ZEB1: variants seen among roughly 807,000 people sequenced by gnomAD.
The protein encoded by ZEB1 is zinc finger E-box-binding homeobox 1.
ZEB1 carries 21 observed loss-of-function variants against 84.9 expected under a neutral mutation model. The observed-to-expected ratio is 0.25, with a 90% CI of 0.18 to 0.36. The LOEUF is 0.36. Among genes scored for constraint, ZEB1 ranks in the 10% least tolerant of loss-of-function variants. The pLI is 1.00. For synonymous variants in ZEB1, 420 were observed against 471.1 expected (o/e 0.89, Z 1.41); for missense variants, 1,104 against 1,330.2 (o/e 0.83, Z 2.65).
intron 7 of ZEB1, among the ~76,000 whole-genome samples, chr10:31,523,587 C>T (rs942326304): frequency 6.6e-5 from 10 of 152,324 alleles, no homozygotes; most frequent in African/African-American, 9.6e-5. Context: ...GCAAATTTCT[C>T]GTAAAGTAAT....
intron 1 of ZEB1, chr10:31,321,542 T>C: frequency 6.2e-7 from 1 of 1,614,042 alleles, no homozygotes; most frequent in South Asian, 1.1e-5. Flanking sequence ...GGTAAGTTGG[T>C]TCGGAAAGAG....
chr10:31,319,363 G>C (rs2033040091), intron 1 of ZEB1, 71 bp downstream of exon 1: 2 of 1,501,552 alleles, frequency 1.3e-6, no homozygotes, highest in Non-Finnish European at 9.1e-7. Context: ...CCCCGGGGGT[G>C]AGGGGGGCGA....
chr10:31,360,197 C>CT lies in ZEB1; in HGVS notation c.58+40911dup, dbSNP rs1256918660. On this transcript the variant is annotated intron_variant, in intron 1 of 8. Coordinates refer to ENST00000424869, the MANE Select transcript of ZEB1 (RefSeq NM_001174096.2). ...CTCCTGCCCCTTTATGCCATAGTCT[C>CT]TTTTTTAACATGGTACTTGGCAGTG... 2.6e-5 allele frequency among the ~76,000 whole-genome samples: 4 copies of CT among 152,242 alleles called. No individual in the cohort carries two copies. In the East Asian group the frequency reaches 5.8e-4, roughly 22 times the overall value.
At chr10:31,321,042 G>T in intron 1 of ZEB1, 1 of 672,712 alleles carries the variant, frequency 1.5e-6, no homozygotes, top group Non-Finnish European at 1.8e-6. Context: ...GTCTATAATG[G>T]GACCGCTGCA....
At chr10:31,444,908 G>T (rs936674296) in intron 1 of ZEB1, among the ~76,000 whole-genome samples, 1 of 152,004 alleles carries the variant, frequency 6.6e-6, no homozygotes, top group African/African-American at 2.4e-5. Flanking sequence ...TTCTTTTTTG[G>T]TTCCATATGA....
chr10:31,522,030 C>T, intron 7 of ZEB1, 94 bp downstream of exon 7: 1 of 1,540,508 alleles, frequency 6.5e-7, no homozygotes, highest in Non-Finnish European at 8.9e-7. Flanking sequence ...CCCGTAGAGC[C>T]AACTAGATTA....
chr10:31,497,836 T>G (rs2067466109), intron 3 of ZEB1, among the ~76,000 whole-genome samples: 1 of 152,028 alleles, frequency 6.6e-6, no homozygotes, highest in Admixed American at 6.6e-5. Context: ...TCCCTTTTTT[T>G]GTTTATATAG....
intron 5 of ZEB1, among the ~76,000 whole-genome samples, chr10:31,511,992 A>T (rs529218154): frequency 2.4e-4 from 36 of 152,326 alleles, no homozygotes; most frequent in Admixed American, 3.9e-4. Context: ...ATGAAGGAGC[A>T]CTTGAAACAG....
chr10:31,363,343 C>A, intron 1 of ZEB1: 9 of 1,534,040 alleles, frequency 5.9e-6, no homozygotes, highest in Non-Finnish European at 7.8e-6. Flanking sequence ...GACTCCATGG[C>A]CCTTGGAGTA....
chr10:31,478,589 T>G (rs1444228613), intron 2 of ZEB1, among the ~76,000 whole-genome samples: 2 of 152,002 alleles, frequency 1.3e-5, no homozygotes, highest in African/African-American at 4.8e-5. Context: ...AGCAGAGTCA[T>G]GGAATCAACC....
chr10:31,373,725 A>G (rs957119784), intron 1 of ZEB1, among the ~76,000 whole-genome samples: 2 of 151,910 alleles, frequency 1.3e-5, no homozygotes, highest in Admixed American at 1.3e-4. Context: ...GGCGGAAACT[A>G]TTAAATTTGT....
intron 2 of ZEB1, among the ~76,000 whole-genome samples, chr10:31,483,798 A>C (rs2065371677): frequency 1.3e-5 from 2 of 152,044 alleles, no homozygotes; most frequent in Non-Finnish European, 2.9e-5. Flanking sequence ...CTGCCATAAC[A>C]AATGACAACA....
chr10:31,364,105 TAA>T (rs2134215792), intron 1 of ZEB1, among the ~76,000 whole-genome samples: 1 of 152,342 alleles, frequency 6.6e-6, no homozygotes, highest in South Asian at 2.1e-4. Flanking sequence ...AGGATACTCC[TAA>T]GTCACCCACT....
At chr10:31,513,066 G>T (rs2070397127) in intron 5 of ZEB1, among the ~76,000 whole-genome samples, 1 of 152,178 alleles carries the variant, frequency 6.6e-6, no homozygotes, top group African/African-American at 2.4e-5. Context: ...AAGGATCCAG[G>T]AATTTTTAAT....
chr10:31,318,989 T>C, upstream of ZEB1: 1 of 541,950 alleles, frequency 1.8e-6, no homozygotes, highest in Non-Finnish European at 3.4e-6. Context: ...GAGGAAAACT[T>C]TTCCCTCGCC....
chr10:31,375,105 G>A (rs2046397712), intron 1 of ZEB1: 1 of 121,216 alleles, frequency 8.2e-6, no homozygotes, highest in Non-Finnish European at 1.8e-5. Flanking sequence ...AAGCATACAT[G>A]TTGATTACGT....
chr10:31,489,475 A>ACCCAAATCCAAACATAAAAC (rs1380338381), intron 2 of ZEB1, among the ~76,000 whole-genome samples: 2 of 151,082 alleles, frequency 1.3e-5, no homozygotes, highest in East Asian at 3.9e-4. Context: ...TATTTCATAA[A>ACCCAAATCCAAACATAAAAC]ATGTTTTATG....
intron 1 of ZEB1, among the ~76,000 whole-genome samples, chr10:31,354,144 G>A (rs2041742769): frequency 6.6e-6 from 1 of 152,132 alleles, no homozygotes; most frequent in South Asian, 2.1e-4. Context: ...TGTCAAGTCT[G>A]TCTGTTCAGC....
chr10:31,411,331 C>T (rs2054202093), intron 1 of ZEB1, among the ~76,000 whole-genome samples: 1 of 152,040 alleles, frequency 6.6e-6, no homozygotes, highest in African/African-American at 2.4e-5. Context: ...CAAAGACACA[C>T]CATACCAGAA....
Sources: allele counts gnomAD v4.1 joint callset (sites outside exome capture counted in the v4.1 genomes callset), GRCh38; gene constraint gnomAD v4.1.1; transcripts MANE v1.5; gene names NCBI Gene and HGNC (gene_info 2026-07-23, HGNC 2026-07-21).